The following EYS variants were observed in gnomAD, a reference collection of about 807,000 sequenced individuals.
The protein encoded by EYS is protein eyes shut homolog.
In EYS, 250 loss-of-function variants were observed where a neutral mutation model predicts 282.1. That is an observed-to-expected ratio of 0.89 (90% CI 0.80 to 0.98). The LOEUF (loss-of-function observed/expected upper bound fraction) is 0.98, where lower values mean the gene tolerates loss of function less well. Ranked by LOEUF, EYS falls within the 50% of genes least tolerant of loss-of-function variation. EYS has a pLI of 0.00. For synonymous variants in EYS, 1,355 were observed against 1,282.9 expected (o/e 1.06, Z -1.20); for missense variants, 4,016 against 3,709.0 (o/e 1.08, Z -2.15).
chr6:64,509,625 G>T (rs2150517933), intron 26 of EYS, among the ~76,000 whole-genome samples: 1 of 152,122 alleles, frequency 6.6e-6, no homozygotes, highest in Non-Finnish European at 1.5e-5. Flanking sequence ...GATATGGTTT[G>T]GTGTGCGGTA....
intron 36 of EYS, among the ~76,000 whole-genome samples, chr6:63,823,627 A>G (rs1436649345): frequency 6.6e-6 from 1 of 152,158 alleles, no homozygotes; most frequent in Non-Finnish European, 1.5e-5. Context: ...CATACCTTGA[A>G]GAACTTATTT....
At chr6:64,185,667 G>A (rs555270359) in intron 31 of EYS, among the ~76,000 whole-genome samples, 3 of 152,104 alleles carry the variant, frequency 2.0e-5, no homozygotes, top group East Asian at 1.9e-4. Flanking sequence ...AGTGCCAAAC[G>A]GCTCTGTTGT....
chr6:64,626,301 A>C, intron 22 of EYS, 56 bp from the exon 23 acceptor site: 9 of 1,483,636 alleles, frequency 6.1e-6, no homozygotes, highest in Non-Finnish European at 8.0e-6. Context: ...GAGCACTATC[A>C]CTTTTCATCT....
At chr6:65,377,586 G>A (rs547389516) in intron 8 of EYS, among the ~76,000 whole-genome samples, 22 of 151,990 alleles carry the variant, frequency 1.4e-4, no homozygotes, top group Non-Finnish European at 3.1e-4. Context: ...GAATCAAGGA[G>A]CTGTTCTTTT....
intron 2 of EYS, among the ~76,000 whole-genome samples, chr6:65,574,576 G>A (rs560964277): frequency 6.6e-6 from 1 of 152,238 alleles, no homozygotes; most frequent in East Asian, 1.9e-4. Context: ...TAATCAAGAT[G>A]TAATGATTGT....
intron 31 of EYS, among the ~76,000 whole-genome samples, chr6:64,165,822 A>G (rs1178495055): frequency 6.6e-6 from 1 of 152,160 alleles, no homozygotes; most frequent in Non-Finnish European, 1.5e-5. Flanking sequence ...TACTGATTTG[A>G]TTACTTGAGA....
At chr6:65,477,146 G>A (rs1756159946) in intron 5 of EYS, among the ~76,000 whole-genome samples, 1 of 151,996 alleles carries the variant, frequency 6.6e-6, no homozygotes, top group African/African-American at 2.4e-5. Context: ...AAGGTAAAAT[G>A]CCTTGTAAAT....
intron 12 of EYS, among the ~76,000 whole-genome samples, chr6:65,089,943 C>CAAAA (rs376305956): frequency 1.3e-5 from 1 of 77,874 alleles, no homozygotes; most frequent in Non-Finnish European, 2.9e-5. Flanking sequence ...GGCAAGAAAG[C>CAAAA]AAAAAAAAAA....
In EYS at chr6:64,260,266, C is replaced by T. The variant is rs116652283; in HGVS notation, c.6192-29442G>A. ...GCAGTTAGAAGCCTGGGTTACTGAC[C>T]ACCATGAGGCTGCCATACTAGTCAG... is the stretch of plus-strand genomic sequence containing the variant. On this transcript the variant is annotated intron_variant, in intron 30 of 42. Transcript: ENST00000503581. 4.1e-3 allele frequency among the ~76,000 whole-genome samples: 621 copies of T among 152,142 alleles called. 8 individuals are homozygous for T. The highest frequency in any genetic ancestry group is 0.014 in the African/African-American group (593 of 41,518).
chr6:64,900,271 A>G (rs528949752), intron 18 of EYS, among the ~76,000 whole-genome samples: 1 of 152,320 alleles, frequency 6.6e-6, no homozygotes, highest in South Asian at 2.1e-4. Context: ...CTAAACTCAT[A>G]AAAACTCTAG....
chr6:64,915,356 C>A lies in EYS; in HGVS notation c.2382-2613G>T, dbSNP rs546963886. The stretch of plus-strand genomic sequence containing the variant: ...GAATGTCTAAGAATGATCTGAATCT[C>A]CACATTATCATGTCAACACAATAAA... On this transcript the variant is annotated intron_variant, in intron 15 of 42. Transcript: ENST00000503581. Among the ~76,000 whole-genome samples, 13 of 152,158 alleles carry A rather than the reference C, an allele frequency of 8.5e-5. No individual in the cohort carries two copies. The East Asian group carries it at 2.3e-3, about 27-fold the overall frequency.
At chr6:64,050,718 T>C (rs1380613300) in intron 33 of EYS, among the ~76,000 whole-genome samples, 3 of 152,272 alleles carry the variant, frequency 2.0e-5, no homozygotes, top group African/African-American at 7.2e-5. Context: ...TAGGAGAAAA[T>C]TATATCTGAT....
intron 28 of EYS, among the ~76,000 whole-genome samples, chr6:64,429,808 T>C (rs569819551): frequency 6.6e-6 from 1 of 152,312 alleles, no homozygotes; most frequent in East Asian, 1.9e-4. Flanking sequence ...AAAATAGGTT[T>C]ATGATACAGG....
At chr6:65,474,555 G>A (rs1358476835) in intron 5 of EYS, among the ~76,000 whole-genome samples, 1 of 152,004 alleles carries the variant, frequency 6.6e-6, no homozygotes, top group Non-Finnish European at 1.5e-5. Flanking sequence ...CCATGTATAA[G>A]GAAGCCAATG....
At chr6:65,315,465 C>T (rs1410905840) in intron 11 of EYS, among the ~76,000 whole-genome samples, 3 of 152,118 alleles carry the variant, frequency 2.0e-5, no homozygotes, top group Non-Finnish European at 4.4e-5. Context: ...TCTTCCTCCC[C>T]AATGTAACTG....
chr6:64,121,854 C>T (rs1773599164), intron 31 of EYS, among the ~76,000 whole-genome samples: 1 of 152,058 alleles, frequency 6.6e-6, no homozygotes, highest in Non-Finnish European at 1.5e-5. Flanking sequence ...GGCTGATATC[C>T]CAGTACCCAT....
At chr6:65,499,985 A>C (rs142198971) in intron 2 of EYS, among the ~76,000 whole-genome samples, 12 of 152,054 alleles carry the variant, frequency 7.9e-5, no homozygotes, top group African/African-American at 2.4e-4. Context: ...AAGTCACCAT[A>C]GTGTCCAAAG....
intron 12 of EYS, among the ~76,000 whole-genome samples, chr6:65,223,997 C>T (rs1405153486): frequency 2.0e-5 from 3 of 152,248 alleles, no homozygotes; most frequent in East Asian, 1.9e-4. Flanking sequence ...TCACTAGACT[C>T]AGACAAGTTG....
Position 64,369,060 on chromosome 6 carries a change from A to G in EYS, c.6078+19630T>C, listed in dbSNP as rs1772267619. Among the ~76,000 whole-genome samples the G allele has an allele frequency of 3.9e-5, 6 of 152,096 alleles. 1 individual carries two copies. The highest frequency in any genetic ancestry group is 3.3e-4 in the Admixed American group (5 of 15,252). On this transcript the variant is annotated intron_variant, in intron 29 of 42. Coordinates refer to ENST00000503581, the MANE Select transcript of EYS (RefSeq NM_001142800.2). ...AGGGTTACACTTAAGTCTTTTAACC[A>G]CCTTGAGTTAATTTTTGTATATGGT...
Sources: allele counts gnomAD v4.1 joint callset (sites outside exome capture counted in the v4.1 genomes callset), GRCh38; gene constraint gnomAD v4.1.1; transcripts MANE v1.5; gene names NCBI Gene and HGNC (gene_info 2026-07-23, HGNC 2026-07-21).